BABAM1: variants seen among roughly 807,000 people sequenced by gnomAD.
BABAM1 encodes the protein BRISC and BRCA1-A complex member 1.
Under a neutral mutation model 34.4 loss-of-function variants are expected in BABAM1, and 14 were observed. That is an observed-to-expected ratio of 0.41 (90% CI 0.27 to 0.64). BABAM1 has a LOEUF of 0.64. Ranked by LOEUF, BABAM1 falls within the 30% of genes least tolerant of loss-of-function variation. BABAM1 has a pLI of 0.34. For synonymous variants in BABAM1, 169 were observed against 165.8 expected (o/e 1.02, Z -0.15); for missense variants, 393 against 434.0 (o/e 0.91, Z 0.84).
At chr19:17,278,764 G>T in intron 8 of BABAM1, 81 bp from the exon 9 acceptor site, 1 of 1,376,808 alleles carries the variant, frequency 7.3e-7, no homozygotes. Context: ...CCTCTTCTGA[G>T]AAGCCCTCCA....
intron 8 of BABAM1, among the ~76,000 whole-genome samples, chr19:17,277,983 T>C (rs2073930602): frequency 6.6e-6 from 1 of 151,790 alleles, no homozygotes; most frequent in South Asian, 2.1e-4. Flanking sequence ...CGGACCAGCC[T>C]GACCAACATG....
chr19:17,270,487 C>A (rs1345065367), intron 2 of BABAM1, among the ~76,000 whole-genome samples: 2 of 151,788 alleles, frequency 1.3e-5, no homozygotes, highest in Admixed American at 6.6e-5. Flanking sequence ...ACTTTAATTA[C>A]ATCTGCAGAG....
intron 5 of BABAM1, chr19:17,274,607 C>T (rs2073886974): frequency 5.2e-6 from 1 of 193,518 alleles, no homozygotes; most frequent in Non-Finnish European, 1.1e-5. Context: ...GATTTGTATT[C>T]AGGAGGTCCA....
intron 2 of BABAM1, among the ~76,000 whole-genome samples, chr19:17,270,418 C>G (rs528557169): frequency 6.6e-6 from 1 of 152,086 alleles, no homozygotes; most frequent in Non-Finnish European, 1.5e-5. Context: ...GTGTCTTCTC[C>G]GCTTCTGTCT....
chr19:17,275,848 C>A, intron 6 of BABAM1, 23 bp downstream of exon 6: 1 of 1,607,844 alleles, frequency 6.2e-7, no homozygotes, highest in South Asian at 1.1e-5. Context: ...TGGGGAAATT[C>A]TTATTCACCT....
rs753629716 is a variant in BABAM1 at position 17,276,546 on chromosome 19, G to A, written c.621G>A (p.Pro207=). Residue 207 remains proline, a synonymous_variant, in exon 7 of 9, where the codon CCG becomes CCA. Transcript: ENST00000598188. ...CAGAGAACGTGCAGACGATTCCCCC[G>A]CCATATGTGGTCCGCACCATCCTTG... ...PVTENVQTIP[P]PYVVRTILVY... 2.9e-5 allele frequency: 46 copies of A among 1,604,596 alleles called. No homozygotes were observed. The highest frequency in any genetic ancestry group is 1.7e-4 in the Admixed American group (10 of 58,824).
intron 8 of BABAM1, 127 bp downstream of exon 8, chr19:17,277,036 T>C: frequency 1.1e-6 from 1 of 880,008 alleles, no homozygotes; most frequent in Non-Finnish European, 1.7e-6. Flanking sequence ...GGGTAGGTCA[T>C]GGCATTGGTC....
intron 8 of BABAM1, 157 bp downstream of exon 8, chr19:17,277,066 G>T: frequency 1.5e-6 from 1 of 683,280 alleles, no homozygotes; most frequent in Non-Finnish European, 2.4e-6. Flanking sequence ...CCGTTTCCCA[G>T]TTGTCTGCTG....
In BABAM1 at chr19:17,276,862, T is replaced by A. The variant is rs2145624598; in HGVS notation, c.739T>A (p.Tyr247Asn). The stretch of plus-strand genomic sequence containing the variant: ...CCCATATTTCTTCTTTGACGTTGTT[T>A]ACATCCACAATGGCACTGAGGAGAA... ...QCPYFFFDVV[Y>N]IHNGTEEKEE... Residue 247 changes from tyrosine (Y) to asparagine (N), a missense_variant, in exon 8 of 9, where the codon TAC becomes AAC. Tyr to Asn is a moderately radical substitution (Grantham distance 143). Transcript: ENST00000598188. The A allele has an allele frequency of 1.2e-6, 2 of 1,605,420 alleles. No homozygotes were observed. The highest frequency in any genetic ancestry group is 1.1e-5 in the South Asian group (1 of 89,136).
In BABAM1 at chr19:17,274,182, T is replaced by G. The variant is rs746733939; in HGVS notation, c.541T>G (p.Phe181Val). 26 of 1,612,594 alleles carry G rather than the reference T, an allele frequency of 1.6e-5. No homozygotes were observed. Among genetic ancestry groups the G allele is most frequent in the Non-Finnish European group, 2.0e-5 (24 of 1,179,808 alleles). The change falls in exon 5 of 9, where the codon TTC (phenylalanine) becomes GTC (valine). Residue 181 changes from phenylalanine to valine, a missense_variant. Coordinates refer to ENST00000598188, the MANE Select transcript of BABAM1 (RefSeq NM_014173.4). ...TCTGGAGACGGCCTCCTGTTCCACC[T>G]TCAGTATCCTTCCTGGCAGAGATGT... ...YDLETASCSTFNLEGLFSLIQ... is the reference protein window; with the variant it reads ...YDLETASCSTVNLEGLFSLIQ...
At chr19:17,274,220 G>T (rs1228444312) in intron 5 of BABAM1, 35 bp downstream of exon 5, 3 of 1,605,720 alleles carry the variant, frequency 1.9e-6, no homozygotes, top group Non-Finnish European at 2.6e-6. Context: ...CCATGAAGGG[G>T]GCTGTCTCCT....
Position 17,274,105 on chromosome 19 carries a change from A to T in BABAM1, c.466-2A>T. On this transcript the variant is annotated splice_acceptor_variant, in intron 4 of 8. Transcript: ENST00000598188. LOFTEE classifies it high-confidence loss of function. ...CGCACTGAGGCCTCTGCTTCCCTGC[A>T]GCTGTCTGGCCTGACCTCCGACCCC... 6.2e-7 allele frequency: 1 copy of T among 1,613,694 alleles called. No individual in the cohort carries two copies. The highest frequency in any genetic ancestry group is 1.1e-5 in the South Asian group (1 of 91,078).
chr19:17,268,366 A>G lies in BABAM1; in HGVS notation c.-13-428A>G, dbSNP rs140653568. On this transcript the variant is annotated intron_variant, in intron 1 of 8. Coordinates refer to ENST00000598188, the MANE Select transcript of BABAM1 (RefSeq NM_014173.4). ...CTGCAGCTGAGGAAAGTGACTCCCT[A>G]AGAGGAGTGACTCATCATCAGTAAG... 1.5e-4 allele frequency among the ~76,000 whole-genome samples: 23 copies of G among 151,826 alleles called. No homozygotes were observed. The East Asian group carries it at 4.4e-3, about 29-fold the overall frequency.
chr19:17,273,722 C>G (rs2073874022), intron 3 of BABAM1, among the ~76,000 whole-genome samples, 182 bp from the exon 4 acceptor site: 1 of 151,912 alleles, frequency 6.6e-6, no homozygotes, highest in Admixed American at 6.6e-5. Context: ...GCCACCACGC[C>G]TGGCTAATTT....
At chr19:17,268,364 C>T (rs2073793622) in intron 1 of BABAM1, among the ~76,000 whole-genome samples, 1 of 151,758 alleles carries the variant, frequency 6.6e-6, no homozygotes, top group African/African-American at 2.4e-5. Context: ...AAGTGACTCC[C>T]TAAGAGGAGT....
At chr19:17,269,467 C>T (rs2073812664) in intron 2 of BABAM1, among the ~76,000 whole-genome samples, 1 of 151,224 alleles carries the variant, frequency 6.6e-6, no homozygotes, top group Non-Finnish European at 1.5e-5. Context: ...TCTCCTGCCT[C>T]AGCCTCCCGA....
chr19:17,268,823 C>T lies in BABAM1; in HGVS notation c.17C>T (p.Pro6Leu). MEVAE[P>L]SSPTEEEEEE... ...ACAGGAGCCATGGAAGTGGCAGAGCCCAGCAGCCCCACTGAAGAGGAGGAG... is the reference window on the plus strand; with the variant it reads ...ACAGGAGCCATGGAAGTGGCAGAGCTCAGCAGCCCCACTGAAGAGGAGGAG... The change falls in exon 2 of 9, where the codon CCC (proline) becomes CTC (leucine). Residue 6 changes from proline to leucine, a missense_variant. Transcript: ENST00000598188. 1 of 1,606,430 alleles carries T rather than the reference C, an allele frequency of 6.2e-7. No homozygotes were observed. Among genetic ancestry groups the T allele is most frequent in the Non-Finnish European group, 8.5e-7 (1 of 1,175,494 alleles).
At chr19:17,272,793 C>T (rs62126227) in intron 3 of BABAM1, among the ~76,000 whole-genome samples, 53,329 of 151,764 alleles carry the variant, frequency 0.35, 10,195 homozygotes, top group Non-Finnish European at 0.42. Flanking sequence ...CCAAGGTGGG[C>T]GGATCACGAG....
chr19:17,268,226 C>T (rs1227471650), intron 1 of BABAM1, among the ~76,000 whole-genome samples: 1 of 149,026 alleles, frequency 6.7e-6, no homozygotes. Context: ...GCTCACTGGC[C>T]GAGTAGGGGC....
Sources: allele counts gnomAD v4.1 joint callset (sites outside exome capture counted in the v4.1 genomes callset), GRCh38; gene constraint gnomAD v4.1.1; transcripts MANE v1.5; gene names NCBI Gene and HGNC (gene_info 2026-07-23, HGNC 2026-07-21).